The following WFDC8 variants were observed in gnomAD, a reference collection of about 807,000 sequenced individuals.
WFDC8 encodes WAP four-disulfide core domain 8.
WFDC8 carries 24 observed loss-of-function variants against 27.0 expected under a neutral mutation model. The observed-to-expected ratio is 0.89, with a 90% CI of 0.64 to 1.25. WFDC8 has a LOEUF of 1.25. Ranked by LOEUF, WFDC8 falls within the 50% of genes most tolerant of loss-of-function variation. WFDC8 has a pLI of 0.00. For synonymous variants in WFDC8, 106 were observed against 99.7 expected (o/e 1.06, Z -0.38); for missense variants, 287 against 295.9 (o/e 0.97, Z 0.22).
rs142743012 is a variant in WFDC8, at chr20:45,579,086, T to C, written c.26+136A>G. On this transcript the variant is annotated intron_variant, in intron 1 of 5. Transcript: ENST00000289953. ...TGATTCCTGACACAAGACAGCTCTG[T>C]TCTGTGGAACCCCTCCTCACTATGC... 7.3e-4 allele frequency: 592 copies of C among 810,596 alleles called. No individual in the cohort carries two copies. The African/African-American group carries it at 8.5e-3, about 12-fold the overall frequency. 50.2% of individuals were successfully genotyped at this position (810,596 alleles called of 1,614,324 possible). A position where few individuals can be genotyped will look rare whatever the true frequency, so the allele number is the denominator to read the frequency against.
chr20:45,553,279 A>C lies in WFDC8; in HGVS notation c.446-3T>G. The C allele has an allele frequency of 6.2e-7, 1 of 1,612,284 alleles. No individual in the cohort carries two copies. The highest frequency in any genetic ancestry group is 8.5e-7 in the Non-Finnish European group (1 of 1,179,046). On this transcript the variant is annotated splice_region_variant and splice_polypyrimidine_tract_variant and intron_variant, in intron 4 of 5. Coordinates refer to ENST00000289953, the MANE Select transcript of WFDC8 (RefSeq NM_130896.3). ...GAGTGGGCATTGTCCATCCTTAACTAAAATAAGAGCAGATGTGAGCTTCTT... is the reference window on the plus strand; with the variant it reads ...GAGTGGGCATTGTCCATCCTTAACTCAAATAAGAGCAGATGTGAGCTTCTT...
intron 1 of WFDC8, among the ~76,000 whole-genome samples, chr20:45,565,333 G>T (rs1342618695): frequency 6.6e-6 from 1 of 152,140 alleles, no homozygotes; most frequent in Admixed American, 6.5e-5. Flanking sequence ...TCAGGCTGGG[G>T]TACCCATATC....
In WFDC8 at chr20:45,555,867, T is replaced by C. The variant is rs761845437; in HGVS notation, c.279A>G (p.Glu93=). The C allele has an allele frequency of 3.7e-6, 6 of 1,613,466 alleles. No homozygotes were observed. The African/African-American group carries it at 5.3e-5, about 14-fold the overall frequency. Residue 93 remains glutamate (E), a splice_region_variant and synonymous_variant, in exon 4 of 6, where the codon GAA becomes GAG. Coordinates refer to ENST00000289953, the MANE Select transcript of WFDC8 (RefSeq NM_130896.3). The part of the protein sequence containing the change: ...CQKKCMDPFQ[E]PCMLPVRHGN... ...CATGCCTCACAGGTAGCATGCAGGGTTCTGAGGTCAGGAAGCAAGGAAAGA... is the reference window on the plus strand; with the variant it reads ...CATGCCTCACAGGTAGCATGCAGGGCTCTGAGGTCAGGAAGCAAGGAAAGA...
intron 2 of WFDC8, among the ~76,000 whole-genome samples, chr20:45,559,329 G>A (rs1438379950): frequency 6.6e-6 from 1 of 152,152 alleles, no homozygotes; most frequent in African/African-American, 2.4e-5. Flanking sequence ...TTTGTCTCCA[G>A]TTGATAAAAG....
intron 1 of WFDC8, among the ~76,000 whole-genome samples, chr20:45,576,589 G>A (rs1600902500): frequency 6.6e-6 from 1 of 151,214 alleles, no homozygotes; most frequent in African/African-American, 2.4e-5. Context: ...GTAGAGACGG[G>A]GTCTTTCCAT....
intron 1 of WFDC8, among the ~76,000 whole-genome samples, chr20:45,570,542 G>A (rs6032335): frequency 1.3e-5 from 2 of 152,036 alleles, no homozygotes; most frequent in Admixed American, 6.5e-5. Flanking sequence ...CTATACAACA[G>A]GTTCATCCTT....
chr20:45,555,390 A>T (rs1980200375), intron 4 of WFDC8, among the ~76,000 whole-genome samples: 1 of 152,182 alleles, frequency 6.6e-6, no homozygotes, highest in South Asian at 2.1e-4. Flanking sequence ...TGATGAGGAA[A>T]CACCTTCTTC....
chr20:45,577,675 G>A (rs1981091321), intron 1 of WFDC8, among the ~76,000 whole-genome samples: 1 of 148,376 alleles, frequency 6.7e-6, no homozygotes. Flanking sequence ...TGGGATTACA[G>A]GCATGAGCCA....
Position 45,551,900 on chromosome 20 carries a change from A to G in WFDC8, c.*126T>C. 8.3e-7 allele frequency: 1 copy of G among 1,201,694 alleles called. No homozygotes were observed. The highest frequency in any genetic ancestry group is 2.4e-5 in the Admixed American group (1 of 40,862). 74.4% of individuals were successfully genotyped at this position (1,201,694 alleles called of 1,614,324 possible). A position where few individuals can be genotyped will look rare whatever the true frequency, so the allele number is the denominator to read the frequency against. On this transcript the variant is annotated 3_prime_UTR_variant, in exon 6 of 6. Transcript: ENST00000289953. The stretch of plus-strand genomic sequence containing the variant: ...ATGATGGGATTATATATAAAATCAA[A>G]GTAACATCATTCAATATTGTGATAC...
At chr20:45,552,332 G>A (rs767200239) in intron 5 of WFDC8, among the ~76,000 whole-genome samples, 167 bp from the exon 6 acceptor site, 9 of 152,068 alleles carry the variant, frequency 5.9e-5, no homozygotes, top group Non-Finnish European at 1.2e-4. Flanking sequence ...AACTTTCTAC[G>A]ACTAATAACT....
chr20:45,568,115 G>A lies in WFDC8; in HGVS notation c.27-5896C>T, dbSNP rs59738556. Reference sequence around the variant, plus strand: ...GCTGTGGGAGAACCCAAGAAAAATGGTCTGAACTGAAAATCTCCATTTCCA... The same window carrying A: ...GCTGTGGGAGAACCCAAGAAAAATGATCTGAACTGAAAATCTCCATTTCCA... On this transcript the variant is annotated intron_variant, in intron 1 of 5. Coordinates refer to ENST00000289953, the MANE Select transcript of WFDC8 (RefSeq NM_130896.3). 3.5e-3 allele frequency: 1,320 copies of A among 371,890 alleles called. 15 individuals carry two copies. The highest frequency in any genetic ancestry group is 0.026 in the African/African-American group (1,233 of 46,738). The allele number at this position is 371,890 out of a possible 1,614,324, so 23.0% of individuals were successfully genotyped here.
At position 45,555,836 on chromosome 20, in the gene WFDC8, A is replaced by T; in HGVS notation, c.310T>A (p.Cys104Ser). ...PCMLPVRHGN[C>S]NHEAQRWHFD... ...TGCCAGCGCTGTGCCTCATGATTACAGTTTCCATGCCTCACAGGTAGCATG... is the reference window on the plus strand; with the variant it reads ...TGCCAGCGCTGTGCCTCATGATTACTGTTTCCATGCCTCACAGGTAGCATG... Residue 104 changes from cysteine to serine, a missense_variant, in exon 4 of 6, where the codon TGT becomes AGT. Transcript: ENST00000289953. 1 of 1,614,074 alleles carries T rather than the reference A, an allele frequency of 6.2e-7. No individual in the cohort carries two copies. The highest frequency in any genetic ancestry group is 8.5e-7 in the Non-Finnish European group (1 of 1,179,962).
intron 2 of WFDC8, among the ~76,000 whole-genome samples, chr20:45,561,415 A>C (rs963861584): frequency 2.6e-5 from 4 of 152,158 alleles, no homozygotes; most frequent in Non-Finnish European, 5.9e-5. Flanking sequence ...CAGAACTATT[A>C]TCTTCTTATG....
At chr20:45,565,486 T>C (rs2868308) in intron 1 of WFDC8, among the ~76,000 whole-genome samples, 58,229 of 152,024 alleles carry the variant, frequency 0.38, 11,627 homozygotes, top group Non-Finnish European at 0.43. Context: ...CCTTTTCTTC[T>C]TCTCTTTGAT....
intron 1 of WFDC8, among the ~76,000 whole-genome samples, chr20:45,576,132 C>T (rs6032344): frequency 0.047 from 7,051 of 151,452 alleles, 398 homozygotes; most frequent in East Asian, 0.17. Context: ...ACACTCCGTA[C>T]ATATCTCCAT....
rs375486844 is a variant in WFDC8 at position 45,552,083 on chromosome 20, T to A, written c.669A>T (p.Pro223=). 9.9e-5 allele frequency: 159 copies of A among 1,614,028 alleles called. No homozygotes were observed. The highest frequency in any genetic ancestry group is 4.6e-5 in the Non-Finnish European group (54 of 1,179,994). ...AATGTGAGCAGCACTTTTCCACCAA[T>A]GGGCACTCCTCATCCTGCAGGCACT... The part of the protein sequence containing the change: ...KPKCLQDEEC[P]LVEKCCSHCG... Residue 223 remains proline, a synonymous_variant, in exon 6 of 6, where the codon CCA becomes CCT. Coordinates refer to ENST00000289953, the MANE Select transcript of WFDC8 (RefSeq NM_130896.3).
chr20:45,561,980 G>A lies in WFDC8; in HGVS notation c.136+130C>T, dbSNP rs945916724. The A allele has an allele frequency of 8.2e-5, 62 of 751,540 alleles. No homozygotes were observed. The Admixed American group carries it at 1.2e-3, about 15-fold the overall frequency. 46.6% of individuals were successfully genotyped at this position (751,540 alleles called of 1,614,324 possible). A position where few individuals can be genotyped will look rare whatever the true frequency, so the allele number is the denominator to read the frequency against. ...TGTGGAGGGCCAGGGTCGTGAGCAG[G>A]GGTAGCTTTCTGTGGCCCCAAATCC... is the stretch of plus-strand genomic sequence containing the variant. On this transcript the variant is annotated intron_variant, in intron 2 of 5. Coordinates refer to ENST00000289953, the MANE Select transcript of WFDC8 (RefSeq NM_130896.3).
intron 3 of WFDC8, 63 bp from the exon 4 acceptor site, chr20:45,555,931 C>T: frequency 6.6e-7 from 1 of 1,525,364 alleles, no homozygotes; most frequent in South Asian, 1.1e-5. Flanking sequence ...AGGGTCAGTT[C>T]CCTAGCATTT....
At chr20:45,565,014 G>GAAAGAA (rs1555798556) in intron 1 of WFDC8, among the ~76,000 whole-genome samples, 1 of 88,006 alleles carries the variant, frequency 1.1e-5, no homozygotes, top group Non-Finnish European at 2.7e-5. Flanking sequence ...AAGAAAGAAA[G>GAAAGAA]AGAAAGAAAG....
Sources: gnomAD v4.1 joint callset for allele counts (sites outside exome capture counted in the v4.1 genomes callset) on GRCh38, gnomAD v4.1.1 for gene constraint, MANE v1.5 for transcripts, NCBI Gene and HGNC (gene_info 2026-07-23, HGNC 2026-07-21) for gene names.